Variants in PREX1 observed in about 807,000 individuals in gnomAD.
PREX1 encodes the protein phosphatidylinositol 3,4,5-trisphosphate-dependent Rac exchanger 1 protein.
In PREX1, 41 loss-of-function variants were observed where a neutral mutation model predicts 198.3. The observed-to-expected ratio is 0.21, with a 90% CI of 0.16 to 0.27. The LOEUF (loss-of-function observed/expected upper bound fraction) is 0.27. Among genes scored for constraint, PREX1 ranks in the 10% least tolerant of loss-of-function variants. PREX1 has a pLI of 1.00. For synonymous variants in PREX1, 843 were observed against 887.2 expected (o/e 0.95, Z 0.89); for missense variants, 1,620 against 2,200.7 (o/e 0.74, Z 5.28).
intron 1 of PREX1, among the ~76,000 whole-genome samples, chr20:48,799,633 G>A (rs192248238): frequency 1.3e-3 from 199 of 152,308 alleles, no homozygotes; most frequent in Middle Eastern, 3.4e-3. Context: ...AGGGGCCTTG[G>A]CTTCCTGTGT....
chr20:48,768,618 A>T (rs919323021), intron 1 of PREX1, among the ~76,000 whole-genome samples: 1 of 151,804 alleles, frequency 6.6e-6, no homozygotes, highest in Non-Finnish European at 1.5e-5. Flanking sequence ...ACACGATGAA[A>T]CCCCGTCTCT....
chr20:48,773,186 G>C (rs556763389), intron 1 of PREX1, among the ~76,000 whole-genome samples: 1 of 139,014 alleles, frequency 7.2e-6, no homozygotes, highest in South Asian at 2.3e-4. Context: ...AGAATCACTT[G>C]AACCTAGGAG....
In PREX1 at chr20:48,632,570, T is replaced by A; in HGVS notation, c.4337A>T (p.Tyr1446Phe). The stretch of plus-strand genomic sequence containing the variant: ...GCGGGAGGGCAGCTTGGAGAAGTGG[T>A]AGCTGTCGAGGTAGAAGATGACCTT... ...ALKVIFYLDS[Y>F]HFSKLPSRLE... Residue 1446 changes from tyrosine to phenylalanine, a missense_variant, in exon 34 of 40, where the codon TAC (tyrosine) becomes TTC (phenylalanine). By Grantham distance (22) the Tyr-to-Phe change is conservative. Around this residue, in one of 7 missense-constraint regions of PREX1, gnomAD observed 476 missense variants for 603.4 expected, o/e 0.79. Transcript: ENST00000371941. 1 of 1,613,818 alleles carries A rather than the reference T, an allele frequency of 6.2e-7. No individual in the cohort carries two copies. The highest frequency in any genetic ancestry group is 8.5e-7 in the Non-Finnish European group (1 of 1,179,856).
intron 15 of PREX1, among the ~76,000 whole-genome samples, 160 bp from the exon 16 acceptor site, chr20:48,660,221 T>C (rs1186121909): frequency 6.6e-6 from 1 of 152,220 alleles, no homozygotes; most frequent in Non-Finnish European, 1.5e-5. Context: ...ACTAACATAT[T>C]AGGATATTTC....
chr20:48,831,625 C>T (rs757017324), upstream of PREX1, among the ~76,000 whole-genome samples: 2 of 152,188 alleles, frequency 1.3e-5, no homozygotes, highest in Admixed American at 6.5e-5. Context: ...CAGCAGTGAA[C>T]AGAACAGATA....
At chr20:48,807,297 C>CT (rs1268702009) in intron 1 of PREX1, among the ~76,000 whole-genome samples, 1 of 152,116 alleles carries the variant, frequency 6.6e-6, no homozygotes. Context: ...TTGAGAGAGC[C>CT]TTTTTTGTGT....
intron 14 of PREX1, among the ~76,000 whole-genome samples, chr20:48,673,613 A>G (rs1217174727): frequency 1.3e-5 from 2 of 152,086 alleles, no homozygotes; most frequent in African/African-American, 2.4e-5. Flanking sequence ...CCTAAACCAC[A>G]AAAGAAACTC....
chr20:48,820,093 T>C (rs568144624), intron 1 of PREX1, among the ~76,000 whole-genome samples: 1 of 152,192 alleles, frequency 6.6e-6, no homozygotes, highest in Admixed American at 6.5e-5. Context: ...AGTTCCATCC[T>C]GGGGAAGGAA....
At chr20:48,696,612 CATACAT>C (rs56334229) in intron 7 of PREX1, among the ~76,000 whole-genome samples, 7,154 of 89,364 alleles carry the variant, frequency 0.08, 222 homozygotes, top group South Asian at 0.11. Flanking sequence ...CACACACATA[CATACAT>C]ACATACATAC....
rs771961422 is a variant in PREX1 at position 48,657,301 on chromosome 20, C to A, written c.1975-113G>T. The stretch of plus-strand genomic sequence containing the variant: ...AAGGGTGCTGGCCCAAGGGATCCAG[C>A]AGGACTGGGTGACTGCGTGCTGTCT... On this transcript the variant is annotated intron_variant, in intron 17 of 39. Transcript: ENST00000371941. The A allele has an allele frequency of 4.6e-6, 6 of 1,311,006 alleles. No individual in the cohort carries two copies. The South Asian group carries it at 6.9e-5, about 15-fold the overall frequency. 81.2% of individuals were successfully genotyped at this position (1,311,006 alleles called of 1,614,324 possible).
chr20:48,649,564 G>A lies in PREX1; in HGVS notation c.3041C>T (p.Pro1014Leu). The part of the protein sequence containing the change: ...GLDPEQGHLN[P>L]MSYTQHCITT... ...GATGCAGTGCTGGGTGTACGACATGGGGTTCAGGTGGCCTGCAGTGGAGGA... is the reference window on the plus strand; with the variant it reads ...GATGCAGTGCTGGGTGTACGACATGAGGTTCAGGTGGCCTGCAGTGGAGGA... The change falls in exon 25 of 40, where the codon CCC (proline) becomes CTC (leucine). Residue 1014 changes from proline (P) to leucine (L), a missense_variant. Physicochemically the swap from Pro to Leu is moderately conservative, Grantham distance 98. This residue lies in a region of PREX1 where 514 missense variants were observed against 611.6 expected (regional missense o/e 0.84). Coordinates refer to ENST00000371941, the MANE Select transcript of PREX1 (RefSeq NM_020820.4). 6.3e-7 allele frequency: 1 copy of A among 1,595,650 alleles called. No homozygotes were observed. Among genetic ancestry groups the A allele is most frequent in the Non-Finnish European group, 8.5e-7 (1 of 1,170,118 alleles).
Position 48,645,836 on chromosome 20 carries a change from G to T in PREX1, c.3512+15C>A, listed in dbSNP as rs373137886. The T allele has an allele frequency of 3.9e-4, 632 of 1,613,122 alleles. 3 individuals carry two copies. The African/African-American group carries it at 7.7e-3, about 20-fold the overall frequency. ...CATCCTCATCTAACCTCAGCCCCCTGACGGTGACACCCACCTGTAGGAGTC... is the reference window on the plus strand; with the variant it reads ...CATCCTCATCTAACCTCAGCCCCCTTACGGTGACACCCACCTGTAGGAGTC... On this transcript the variant is annotated intron_variant, in intron 26 of 39. Transcript: ENST00000371941.
the PREX1 span, among the ~76,000 whole-genome samples, chr20:48,885,996 A>G: frequency 3.3e-5 from 5 of 152,334 alleles, no homozygotes; most frequent in African/African-American, 1.2e-4. Context: ...ACATGCCATT[A>G]TATGTTTGTC....
the PREX1 span, among the ~76,000 whole-genome samples, chr20:48,837,876 A>T: frequency 6.6e-6 from 1 of 150,526 alleles, no homozygotes; most frequent in African/African-American, 2.4e-5. Flanking sequence ...AATTGAAAGA[A>T]AAAAAAAAAG....
the PREX1 span, among the ~76,000 whole-genome samples, chr20:48,838,113 G>A: frequency 1.1e-4 from 16 of 152,196 alleles, no homozygotes; most frequent in Non-Finnish European, 2.1e-4. Flanking sequence ...AAGAAGCCAG[G>A]CAGCGGTTTC....
intron 1 of PREX1, among the ~76,000 whole-genome samples, chr20:48,819,796 C>T (rs945265722): frequency 1.3e-5 from 2 of 152,216 alleles, no homozygotes; most frequent in African/African-American, 4.8e-5. Flanking sequence ...CAGCCACATG[C>T]CAGCACCTAG....
chr20:48,657,316 G>A (rs2089552713), intron 17 of PREX1, 128 bp from the exon 18 acceptor site: 1 of 1,162,808 alleles, frequency 8.6e-7, no homozygotes, highest in East Asian at 2.5e-5. Context: ...CTGGGTGACT[G>A]CGTGCTGTCT....
rs117046367 is a variant in PREX1, at chr20:48,730,325, C to T, written c.520-3934G>A. Among the ~76,000 whole-genome samples the T allele has an allele frequency of 4.8e-3, 734 of 152,072 alleles. 2 individuals carry two copies. The highest frequency in any genetic ancestry group is 8.0e-3 in the Admixed American group (122 of 15,260). ...GCTTCCCATCCCACTCAGAATAAAA[C>T]GGAACATTCTCTAAGGCAAAGCCAC... is the stretch of plus-strand genomic sequence containing the variant. On this transcript the variant is annotated intron_variant, in intron 4 of 39. Transcript: ENST00000371941.
intron 1 of PREX1, among the ~76,000 whole-genome samples, chr20:48,805,447 G>C (rs1238875426): frequency 6.6e-6 from 1 of 152,244 alleles, no homozygotes; most frequent in Non-Finnish European, 1.5e-5. Context: ...AGCAGAAACA[G>C]AGAGACCCCC....
Sources: gnomAD v4.1 joint callset for allele counts (sites outside exome capture counted in the v4.1 genomes callset) on GRCh38, gnomAD v4.1.1 for gene constraint, gnomAD v4.1.1 regional missense constraint, MANE v1.5 for transcripts, NCBI Gene and HGNC (gene_info 2026-07-23, HGNC 2026-07-21) for gene names.